Variants in ZFPM2 observed in about 807,000 individuals in gnomAD.
ZFPM2 encodes zinc finger protein ZFPM2.
ZFPM2 carries 20 observed loss-of-function variants against 98.6 expected under a neutral mutation model. The ratio of observed to expected loss-of-function variants is 0.20; its 90% CI spans 0.14 to 0.29. The LOEUF (loss-of-function observed/expected upper bound fraction) is 0.29. Among genes scored for constraint, ZFPM2 ranks in the 10% least tolerant of loss-of-function variants. ZFPM2 has a pLI of 1.00. For synonymous variants in ZFPM2, 518 were observed against 502.7 expected (o/e 1.03, Z -0.41); for missense variants, 1,310 against 1,388.6 (o/e 0.94, Z 0.90).
At chr8:105,501,906 A>AAAG (rs74434756) in intron 3 of ZFPM2, among the ~76,000 whole-genome samples, 55,754 of 151,904 alleles carry the variant, frequency 0.37, 12,069 homozygotes, top group African/African-American at 0.61. Context: ...CAGGTAAAAT[A>AAAG]AACACAATGT....
At chr8:105,463,559 C>T (rs1812741919) in intron 3 of ZFPM2, among the ~76,000 whole-genome samples, 1 of 151,906 alleles carries the variant, frequency 6.6e-6, no homozygotes, top group African/African-American at 2.4e-5. Context: ...TAACTCAGGA[C>T]AACATGTTTA....
At chr8:105,644,139 T>C (rs952154312) in intron 5 of ZFPM2, among the ~76,000 whole-genome samples, 1 of 152,182 alleles carries the variant, frequency 6.6e-6, no homozygotes, top group African/African-American at 2.4e-5. Context: ...GATGCTTCTG[T>C]GGCTTCTCTT....
intron 1 of ZFPM2, among the ~76,000 whole-genome samples, chr8:105,345,291 C>CAATCTGG (rs1812500345): frequency 6.6e-6 from 1 of 152,086 alleles, no homozygotes; most frequent in African/African-American, 2.4e-5. Context: ...GGAGCTTTTT[C>CAATCTGG]AGCATCTTTG....
chr8:105,429,424 C>G (rs374861404), intron 2 of ZFPM2, among the ~76,000 whole-genome samples: 3 of 142,646 alleles, frequency 2.1e-5, no homozygotes, highest in African/African-American at 9.1e-5. Flanking sequence ...GGAAAGAAAA[C>G]GTGCACAAGT....
intron 1 of ZFPM2, among the ~76,000 whole-genome samples, chr8:105,402,503 A>G (rs770356837): frequency 6.7e-4 from 102 of 152,112 alleles, no homozygotes; most frequent in Non-Finnish European, 9.1e-4. Flanking sequence ...AATCAAAATA[A>G]TTTAACCCGT....
intron 1 of ZFPM2, among the ~76,000 whole-genome samples, chr8:105,410,971 G>C (rs1386314272): frequency 6.6e-6 from 1 of 151,796 alleles, no homozygotes; most frequent in Admixed American, 6.6e-5. Context: ...ACTTCTAGCA[G>C]GGTGAGAGTA....
At chr8:105,565,479 T>G (rs1815224828) in intron 4 of ZFPM2, among the ~76,000 whole-genome samples, 1 of 152,164 alleles carries the variant, frequency 6.6e-6, no homozygotes, top group Non-Finnish European at 1.5e-5. Context: ...CTTACACAAG[T>G]GCAAGAGAAG....
intron 5 of ZFPM2, among the ~76,000 whole-genome samples, chr8:105,685,548 G>C (rs1430327385): frequency 6.6e-6 from 1 of 151,814 alleles, no homozygotes; most frequent in African/African-American, 2.4e-5. Flanking sequence ...GATTTTTTAT[G>C]ACACTTTATG....
intron 4 of ZFPM2, among the ~76,000 whole-genome samples, chr8:105,595,955 A>T (rs939369780): frequency 6.6e-6 from 1 of 151,720 alleles, no homozygotes; most frequent in Non-Finnish European, 1.5e-5. Context: ...TTTCAAAACC[A>T]TATAAACTGA....
chr8:105,491,693 C>A (rs1269140555), intron 3 of ZFPM2, among the ~76,000 whole-genome samples: 1 of 152,098 alleles, frequency 6.6e-6, no homozygotes, highest in Non-Finnish European at 1.5e-5. Flanking sequence ...TGGAATTGGG[C>A]CACTTACATC....
At position 105,756,059 on chromosome 8, in the gene ZFPM2, T is replaced by C. The variant is rs112772635; in HGVS notation, c.533-32659T>C. On this transcript the variant is annotated intron_variant, in intron 5 of 7. Coordinates refer to ENST00000407775, the MANE Select transcript of ZFPM2 (RefSeq NM_012082.4). ...ATAACTGCATACCTTAATCCTACTA[T>C]TGTGTTTCTGGGAGCTAAAAATGCT... is the stretch of plus-strand genomic sequence containing the variant. Among the ~76,000 whole-genome samples the C allele has an allele frequency of 2.7e-3, 410 of 152,254 alleles. 2 individuals are homozygous for C. Among genetic ancestry groups the C allele is most frequent in the African/African-American group, 9.4e-3 (389 of 41,562 alleles).
intron 5 of ZFPM2, among the ~76,000 whole-genome samples, chr8:105,673,872 A>G (rs2130909110): frequency 6.6e-6 from 1 of 152,306 alleles, no homozygotes; most frequent in East Asian, 1.9e-4. Flanking sequence ...TGGCTGGATG[A>G]ATTATGCCTG....
chr8:105,614,539 A>G (rs568312204), intron 4 of ZFPM2, among the ~76,000 whole-genome samples: 1 of 152,274 alleles, frequency 6.6e-6, no homozygotes, highest in African/African-American at 2.4e-5. Context: ...CATAATTATA[A>G]TTATGCATTC....
At chr8:105,695,256 T>C (rs548603592) in intron 5 of ZFPM2, among the ~76,000 whole-genome samples, 17 of 152,138 alleles carry the variant, frequency 1.1e-4, no homozygotes, top group African/African-American at 4.1e-4. Flanking sequence ...CCTGAGAAAA[T>C]ACGTAATCAT....
At chr8:105,603,745 G>GT (rs1389474006) in intron 4 of ZFPM2, among the ~76,000 whole-genome samples, 2 of 152,108 alleles carry the variant, frequency 1.3e-5, no homozygotes, top group Admixed American at 6.6e-5. Context: ...TTCTTCATCA[G>GT]TTTTTTAAGA....
intron 5 of ZFPM2, among the ~76,000 whole-genome samples, chr8:105,745,872 G>T (rs562525243): frequency 6.6e-6 from 1 of 152,040 alleles, no homozygotes; most frequent in Non-Finnish European, 1.5e-5. Context: ...TGATTCTCAT[G>T]CCTCAGCCTC....
chr8:105,663,474 G>A (rs986474339), intron 5 of ZFPM2, among the ~76,000 whole-genome samples: 1 of 152,172 alleles, frequency 6.6e-6, no homozygotes, highest in Non-Finnish European at 1.5e-5. Context: ...TCCACATCCT[G>A]CATGTAAAGT....
In ZFPM2 at chr8:105,522,734, G is replaced by A. The variant is rs567642323; in HGVS notation, c.302-38629G>A. On this transcript the variant is annotated intron_variant, in intron 3 of 7. Coordinates refer to ENST00000407775, the MANE Select transcript of ZFPM2 (RefSeq NM_012082.4). The stretch of plus-strand genomic sequence containing the variant: ...TGTGCCACTGCACTCCAGCAACAGA[G>A]CAAGACTCCATCTTTCAAAAAAAAA... 2.6e-4 allele frequency among the ~76,000 whole-genome samples: 39 copies of A among 149,466 alleles called. 1 individual carries two copies. The South Asian group carries it at 8.4e-3, about 32-fold the overall frequency.
chr8:105,388,161 A>G (rs556026651), intron 1 of ZFPM2, among the ~76,000 whole-genome samples: 1 of 152,324 alleles, frequency 6.6e-6, no homozygotes, highest in South Asian at 2.1e-4. Flanking sequence ...CATATAACTG[A>G]ATATTGCATG....
Sources: allele counts gnomAD v4.1 joint callset (sites outside exome capture counted in the v4.1 genomes callset), GRCh38; gene constraint gnomAD v4.1.1; transcripts MANE v1.5; gene names NCBI Gene and HGNC (gene_info 2026-07-23, HGNC 2026-07-21).